Variants in RAB28 observed in about 807,000 individuals in gnomAD.
RAB28 encodes ras-related protein Rab-28.
In RAB28, 24 loss-of-function variants were observed where a neutral mutation model predicts 31.7. The ratio of observed to expected loss-of-function variants is 0.76; its 90% confidence interval spans 0.55 to 1.06. The LOEUF (loss-of-function observed/expected upper bound fraction) is 1.06. Ranked by LOEUF, RAB28 falls within the 50% of genes least tolerant of loss-of-function variation. The probability of loss-of-function intolerance (pLI) is 0.00; values close to 1 mark genes in which losing one functional copy is unlikely to be tolerated. For missense variants in RAB28, 254 were observed against 258.5 expected, an observed-to-expected ratio of 0.98 and a Z score of 0.12; for synonymous variants, 100 against 90.4, an observed-to-expected ratio of 1.11 and a Z score of -0.60.
intron 4 of RAB28, among the ~76,000 whole-genome samples, chr4:13,415,510 C>A (rs1712715214): frequency 6.6e-6 from 1 of 152,136 alleles, no homozygotes; most frequent in Non-Finnish European, 1.5e-5. Context: ...GCCCTGCCGG[C>A]CCGGGCAATG....
At chr4:13,424,123 T>C (rs1005703784) in intron 4 of RAB28, among the ~76,000 whole-genome samples, 3 of 152,258 alleles carry the variant, frequency 2.0e-5, no homozygotes, top group Non-Finnish European at 4.4e-5. Context: ...GTTTTTTAAG[T>C]ATCTATGAGA....
At chr4:13,462,139 G>T (rs1035090872) in intron 3 of RAB28, among the ~76,000 whole-genome samples, 1 of 152,118 alleles carries the variant, frequency 6.6e-6, no homozygotes, top group African/African-American at 2.4e-5. Context: ...AACAAGTATA[G>T]AACACAGTAG....
chr4:13,459,922 T>C lies in RAB28; in HGVS notation c.391+777A>G. ...TTCTTCATAATCCATGCTGCTTTCC[T>C]AGACCACAGGAAGCCAAAACACACA... On this transcript the variant is annotated intron_variant, in intron 4 of 6. Coordinates refer to ENST00000330852, the MANE Select transcript of RAB28 (RefSeq NM_001017979.3). The C allele has an allele frequency of 2.3e-6, 3 of 1,289,198 alleles. No individual in the cohort carries two copies. In the South Asian group the frequency reaches 3.7e-5, roughly 16 times the overall value. 79.9% of individuals were successfully genotyped at this position (1,289,198 alleles called of 1,614,324 possible).
At chr4:13,390,580 T>C (rs1577165170) in intron 4 of RAB28, among the ~76,000 whole-genome samples, 1 of 145,436 alleles carries the variant, frequency 6.9e-6, no homozygotes, top group Admixed American at 6.9e-5. Flanking sequence ...AAAGTTCACA[T>C]GGAATCAAAA....
chr4:13,478,375 G>T (rs938922366), intron 2 of RAB28, among the ~76,000 whole-genome samples: 2 of 151,236 alleles, frequency 1.3e-5, no homozygotes, highest in Admixed American at 1.3e-4. Context: ...TTTTTCACTG[G>T]TAGCCAAATA....
intron 4 of RAB28, among the ~76,000 whole-genome samples, chr4:13,451,654 C>G (rs930965606): frequency 6.6e-6 from 1 of 151,780 alleles, no homozygotes; most frequent in African/African-American, 2.4e-5. Context: ...AATCTTTTCC[C>G]AGACAAATGT....
At chr4:13,394,391 G>A (rs1729781732) in intron 4 of RAB28, among the ~76,000 whole-genome samples, 1 of 152,136 alleles carries the variant, frequency 6.6e-6, no homozygotes, top group African/African-American at 2.4e-5. Context: ...TTCATAATAG[G>A]GTTCACGCTC....
chr4:13,427,247 AG>A (rs1454809131), intron 4 of RAB28, among the ~76,000 whole-genome samples: 2 of 152,232 alleles, frequency 1.3e-5, no homozygotes, highest in Non-Finnish European at 2.9e-5. Flanking sequence ...TGAAGACTTA[AG>A]GGCCTTCTTA....
intron 6 of RAB28, among the ~76,000 whole-genome samples, chr4:13,372,369 G>C (rs952731379): frequency 1.3e-5 from 2 of 151,984 alleles, no homozygotes; most frequent in African/African-American, 4.8e-5. Flanking sequence ...TCTATATAAC[G>C]AATGGGCTAT....
intron 6 of RAB28, chr4:13,370,613 G>C: frequency 1.0e-6 from 1 of 983,006 alleles, no homozygotes; most frequent in Non-Finnish European, 1.2e-6. Context: ...GAAGACATCA[G>C]AGGAAGGCAT....
At chr4:13,390,966 G>C (rs182294374) in intron 4 of RAB28, among the ~76,000 whole-genome samples, 185 of 152,178 alleles carry the variant, frequency 1.2e-3, no homozygotes, top group Non-Finnish European at 1.9e-3. Flanking sequence ...AAGAAAACCT[G>C]GGCAATACAA....
intron 4 of RAB28, among the ~76,000 whole-genome samples, chr4:13,439,908 A>G (rs1224446673): frequency 1.3e-5 from 2 of 152,124 alleles, no homozygotes; most frequent in Non-Finnish European, 2.9e-5. Flanking sequence ...TGTTATCTCC[A>G]TCCATTTCTC....
chr4:13,418,778 G>C (rs1341138195), intron 4 of RAB28, among the ~76,000 whole-genome samples: 2 of 152,180 alleles, frequency 1.3e-5, no homozygotes, highest in Non-Finnish European at 2.9e-5. Context: ...GGAGTAACGA[G>C]TACCAGCCAC....
chr4:13,459,314 C>G (rs893331095), intron 4 of RAB28, among the ~76,000 whole-genome samples: 1 of 152,146 alleles, frequency 6.6e-6, no homozygotes, highest in Non-Finnish European at 1.5e-5. Context: ...TGGGACTTTA[C>G]CTTGTGATCA....
At chr4:13,473,917 T>C (rs574476614) in intron 3 of RAB28, 16 of 362,146 alleles carry the variant, frequency 4.4e-5, no homozygotes, top group South Asian at 2.3e-4. Context: ...CATAGACATA[T>C]AGATATACTT....
intron 5 of RAB28, among the ~76,000 whole-genome samples, chr4:13,379,677 C>T (rs543413861): frequency 3.1e-4 from 47 of 152,134 alleles, no homozygotes; most frequent in African/African-American, 1.1e-3. Context: ...ATGCCTGATA[C>T]TGAGATAATA....
intron 6 of RAB28, chr4:13,371,447 T>A: frequency 1.0e-6 from 1 of 985,330 alleles, no homozygotes; most frequent in South Asian, 4.7e-5. Flanking sequence ...TTAAGTCTTA[T>A]CCTATAAACA....
At chr4:13,466,090 A>T (rs1427954805) in intron 3 of RAB28, among the ~76,000 whole-genome samples, 1 of 152,066 alleles carries the variant, frequency 6.6e-6, no homozygotes, top group East Asian at 1.9e-4. Flanking sequence ...TAACAATTTC[A>T]AAGTAAGAAC....
intron 4 of RAB28, among the ~76,000 whole-genome samples, chr4:13,441,355 C>T (rs1295075368): frequency 6.6e-6 from 1 of 152,142 alleles, no homozygotes; most frequent in Non-Finnish European, 1.5e-5. Context: ...ACCTAAAAAT[C>T]CTTTAAAAAG....
Sources: gnomAD v4.1 joint callset for allele counts (sites outside exome capture counted in the v4.1 genomes callset) on GRCh38, gnomAD v4.1.1 for gene constraint, MANE v1.5 for transcripts, NCBI Gene and HGNC (gene_info 2026-07-23, HGNC 2026-07-21) for gene names.